EIF3H: variants seen among roughly 807,000 people sequenced by gnomAD.
EIF3H encodes eukaryotic translation initiation factor 3 subunit H.
A neutral mutation model predicts 44.2 loss-of-function variants in EIF3H; 26 were observed. The observed-to-expected ratio is 0.59, with a 90% CI of 0.43 to 0.82. The LOEUF is 0.82. Among genes scored for constraint, EIF3H ranks in the 40% least tolerant of loss-of-function variants. The pLI is 0.00. For synonymous variants in EIF3H, 166 were observed against 151.9 expected, an observed-to-expected ratio of 1.09 and a Z score of -0.68; for missense variants, 359 against 432.8, an observed-to-expected ratio of 0.83 and a Z score of 1.51.
Position 116,708,544 on chromosome 8 carries a change from T to C in EIF3H, c.289+17472A>G, listed in dbSNP as rs893705139. On this transcript the variant is annotated intron_variant, in intron 2 of 7. Transcript: ENST00000521861. ...CAATTATATTAGGCTAATTAAAATT[T>C]AAAGATTTCAAGTTCAAAGGCCAAG... Among the ~76,000 whole-genome samples the C allele has an allele frequency of 1.2e-4, 19 of 152,158 alleles. No homozygotes were observed. The East Asian group carries it at 3.7e-3, about 29-fold the overall frequency.
chr8:116,661,023 A>G (rs1428046300), intron 2 of EIF3H, among the ~76,000 whole-genome samples: 1 of 152,224 alleles, frequency 6.6e-6, no homozygotes, highest in Admixed American at 6.5e-5. Context: ...AGCATGTAAG[A>G]GGAACCTCAC....
chr8:116,745,767 C>T (rs747137401), intron 1 of EIF3H, among the ~76,000 whole-genome samples: 2 of 152,002 alleles, frequency 1.3e-5, no homozygotes, highest in Admixed American at 6.6e-5. Context: ...CCCGTCTCTA[C>T]TAAAAATACA....
At chr8:116,729,541 T>C (rs1312096125) in intron 1 of EIF3H, among the ~76,000 whole-genome samples, 9 of 152,094 alleles carry the variant, frequency 5.9e-5, no homozygotes, top group Non-Finnish European at 1.3e-4. Flanking sequence ...GCGCTCCAAG[T>C]AAAAGAAATA....
At chr8:116,732,868 A>G (rs981469696) in intron 1 of EIF3H, among the ~76,000 whole-genome samples, 5 of 152,288 alleles carry the variant, frequency 3.3e-5, no homozygotes, top group Middle Eastern at 3.4e-3. Context: ...GGTTCTTTCT[A>G]TACCACGTAA....
At position 116,655,094 on chromosome 8, in the gene EIF3H, C is replaced by A. The variant is rs191733190; in HGVS notation, c.707+762G>T. On this transcript the variant is annotated intron_variant, in intron 5 of 7. Transcript: ENST00000521861. ...GTCTGCTGCTAGCCTCCTTCCACCA[C>A]AGACAAAATAATCACTAACATAACG... Among the ~76,000 whole-genome samples, 26 of 151,992 alleles carry A rather than the reference C, an allele frequency of 1.7e-4. No individual in the cohort carries two copies. In the South Asian group the frequency reaches 3.7e-3, roughly 22 times the overall value.
chr8:116,736,828 C>T (rs1815049689), intron 1 of EIF3H, among the ~76,000 whole-genome samples: 1 of 152,116 alleles, frequency 6.6e-6, no homozygotes, highest in Admixed American at 6.5e-5. Context: ...ACCCAAAGAG[C>T]TAAGAACCAC....
At chr8:116,680,481 A>G (rs1444568502) in intron 2 of EIF3H, among the ~76,000 whole-genome samples, 13 of 74,178 alleles carry the variant, frequency 1.8e-4, no homozygotes, top group African/African-American at 6.4e-4. Context: ...GTTCTGTACT[A>G]AGAAAAATTC....
rs779726796 is a variant in EIF3H, at chr8:116,645,044, G to A, written c.1021C>T (p.Leu341Phe). The A allele has an allele frequency of 3.7e-6, 6 of 1,614,040 alleles. No homozygotes were observed. The highest frequency in any genetic ancestry group is 5.1e-6 in the Non-Finnish European group (6 of 1,180,010). Reference protein sequence around the residue: ...KEFTAQNLGKLFMAQALQEYN... With the variant: ...KEFTAQNLGKFFMAQALQEYN... The stretch of plus-strand genomic sequence containing the variant: ...TCTTGAAGAGCCTGGGCCATGAAGA[G>A]CTTGCCTAAGTTTTGGGCAGTGAAC... The change falls in exon 8 of 8, where the codon CTC becomes TTC. Residue 341 changes from leucine to phenylalanine, a missense_variant. By Grantham distance (22) the Leu-to-Phe change is conservative (BLOSUM62 0). This residue lies in a region of EIF3H where 94 missense variants were observed against 96.0 expected (regional missense o/e 0.98). Coordinates refer to ENST00000521861, the MANE Select transcript of EIF3H (RefSeq NM_003756.3).
At chr8:116,721,632 C>G (rs946989527) in intron 2 of EIF3H, among the ~76,000 whole-genome samples, 9 of 152,236 alleles carry the variant, frequency 5.9e-5, no homozygotes, top group African/African-American at 2.2e-4. Flanking sequence ...TGCAATGCCA[C>G]AGGGGCAGAG....
intron 5 of EIF3H, among the ~76,000 whole-genome samples, chr8:116,652,673 T>C (rs1241342267): frequency 1.3e-5 from 2 of 152,062 alleles, no homozygotes; most frequent in Non-Finnish European, 2.9e-5. Flanking sequence ...ATGAAAGGTT[T>C]ATGGATGGAT....
intron 1 of EIF3H, chr8:116,737,219 T>G: frequency 2.3e-6 from 1 of 440,550 alleles, no homozygotes; most frequent in South Asian, 1.7e-5. Context: ...AGGTAGGCAT[T>G]TGAAAAGATC....
chr8:116,740,157 C>T (rs1815106641), intron 1 of EIF3H, among the ~76,000 whole-genome samples: 2 of 152,198 alleles, frequency 1.3e-5, no homozygotes, highest in African/African-American at 4.8e-5. Context: ...TTTACAGAAT[C>T]AGTAACATTA....
intron 2 of EIF3H, among the ~76,000 whole-genome samples, chr8:116,720,839 T>C (rs1280858785): frequency 6.6e-6 from 1 of 152,072 alleles, no homozygotes; most frequent in African/African-American, 2.4e-5. Flanking sequence ...TGATTTAGGG[T>C]ATCTGGTGGA....
chr8:116,691,556 GA>G lies in EIF3H; in HGVS notation c.290-32577del, dbSNP rs144905433. ...CCAACAGGAAGCTCTATTTTAATAG[GA>G]AAAAAAAAAAAGCCTATAAAAGAAA... On this transcript the variant is annotated intron_variant, in intron 2 of 7. Transcript: ENST00000521861. 4.8e-3 allele frequency among the ~76,000 whole-genome samples: 687 copies of G among 143,088 alleles called. 1 individual carries two copies. Among genetic ancestry groups the G allele is most frequent in the African/African-American group, 0.014 (559 of 39,054 alleles). 93.9% of individuals were successfully genotyped at this position (143,088 alleles called of 152,430 possible). A position where few individuals can be genotyped will look rare whatever the true frequency, so the allele number is the denominator to read the frequency against.
At chr8:116,735,694 G>A (rs1216522705) in intron 1 of EIF3H, among the ~76,000 whole-genome samples, 2 of 151,910 alleles carry the variant, frequency 1.3e-5, no homozygotes, top group Admixed American at 6.6e-5. Context: ...CAAATAGGTC[G>A]TCTTGGCCCC....
At chr8:116,724,607 C>T (rs1375069637) in intron 2 of EIF3H, among the ~76,000 whole-genome samples, 1 of 151,916 alleles carries the variant, frequency 6.6e-6, no homozygotes, top group Non-Finnish European at 1.5e-5. Context: ...AAAAAAAAAG[C>T]CTCCAATTTT....
At chr8:116,661,987 A>G (rs1813593164) in intron 2 of EIF3H, among the ~76,000 whole-genome samples, 1 of 152,180 alleles carries the variant, frequency 6.6e-6, no homozygotes, top group African/African-American at 2.4e-5. Context: ...TGAGGGGAGC[A>G]TTTCCATTTC....
At chr8:116,690,454 G>A (rs1814155253) in intron 2 of EIF3H, among the ~76,000 whole-genome samples, 1 of 152,034 alleles carries the variant, frequency 6.6e-6, no homozygotes, top group African/African-American at 2.4e-5. Flanking sequence ...CAGCACTTTG[G>A]CAGGCTGAGG....
rs371464119 is a variant in EIF3H, at chr8:116,646,497, G to C, written c.935C>G (p.Ala312Gly). 1.9e-6 allele frequency: 3 copies of C among 1,614,058 alleles called. No individual in the cohort carries two copies. The highest frequency in any genetic ancestry group is 2.7e-5 in the African/African-American group (2 of 74,918). ...TGCAATGAGCAGCGAGTCCATCCTG[G>C]CAGGCGGCTGTGGTGGTTTGAAGAG... ...SKLFKPPQPPARMDSLLIAGQ... is the reference protein window; with the variant it reads ...SKLFKPPQPPGRMDSLLIAGQ... The change falls in exon 7 of 8, where the codon GCC (alanine) becomes GGC (glycine). Residue 312 changes from alanine to glycine, a missense_variant. Ala to Gly is a moderately conservative substitution (Grantham distance 60). Transcript: ENST00000521861.
Sources: allele counts gnomAD v4.1 joint callset (sites outside exome capture counted in the v4.1 genomes callset), GRCh38; gene constraint gnomAD v4.1.1; regional missense constraint gnomAD v4.1.1; transcripts MANE v1.5; gene names NCBI Gene and HGNC (gene_info 2026-07-23, HGNC 2026-07-21).